Variants in SHISA5 observed in about 807,000 individuals in gnomAD.
The protein encoded by SHISA5 is protein shisa-5.
Under a neutral mutation model 27.5 loss-of-function variants are expected in SHISA5, and 21 were observed. The ratio of observed to expected loss-of-function variants is 0.76; its 90% CI spans 0.54 to 1.10. SHISA5 has a LOEUF of 1.10. Among genes scored for constraint, SHISA5 ranks in the 50% least tolerant of loss-of-function variants. The pLI is 0.00. For synonymous variants in SHISA5, 137 were observed against 142.2 expected (o/e 0.96, Z 0.26); for missense variants, 314 against 336.3 (o/e 0.93, Z 0.52).
intron 1 of SHISA5, chr3:48,502,352 C>T (rs530756811): frequency 5.7e-5 from 26 of 456,600 alleles, no homozygotes; most frequent in South Asian, 1.9e-4. Context: ...CTTAGCCCCG[C>T]GCTGGGCCTG....
intron 3 of SHISA5, chr3:48,472,897 A>G: frequency 9.2e-7 from 1 of 1,088,790 alleles, no homozygotes; most frequent in Non-Finnish European, 1.3e-6. Context: ...GGAGAAACGC[A>G]CACACATTCA....
chr3:48,478,230 G>A (rs11707229), intron 3 of SHISA5, among the ~76,000 whole-genome samples: 2,807 of 152,262 alleles, frequency 0.018, 49 homozygotes, highest in Middle Eastern at 0.12. Context: ...GCCCTGAGGT[G>A]TTGAGGAGGG....
chr3:48,471,167 A>G (rs1428975323), intron 3 of SHISA5, among the ~76,000 whole-genome samples: 2 of 151,990 alleles, frequency 1.3e-5, no homozygotes, highest in Admixed American at 1.3e-4. Flanking sequence ...AGCTGGAACC[A>G]CAGGCATGCA....
intron 2 of SHISA5, among the ~76,000 whole-genome samples, chr3:48,480,230 AAAC>A (rs545845487): frequency 4.6e-5 from 7 of 151,864 alleles, no homozygotes; most frequent in African/African-American, 9.7e-5. Flanking sequence ...AAAAGTACTA[AAAC>A]AACAACAACA....
chr3:48,493,909 A>C (rs1284463037), intron 2 of SHISA5, among the ~76,000 whole-genome samples: 2 of 147,864 alleles, frequency 1.4e-5, no homozygotes, highest in Non-Finnish European at 2.9e-5. Flanking sequence ...GTATATATTG[A>C]ATGGCTAAAT....
intron 2 of SHISA5, among the ~76,000 whole-genome samples, chr3:48,489,129 T>C (rs1384529383): frequency 6.6e-6 from 1 of 151,916 alleles, no homozygotes; most frequent in African/African-American, 2.4e-5. Flanking sequence ...GCGGCCCACA[T>C]TCAGGCCAGG....
intron 2 of SHISA5, among the ~76,000 whole-genome samples, chr3:48,487,833 T>C (rs967985215): frequency 2.0e-5 from 3 of 152,126 alleles, no homozygotes; most frequent in African/African-American, 7.2e-5. Context: ...GAGGCAGAGG[T>C]TGCAGTGAGC....
intron 2 of SHISA5, among the ~76,000 whole-genome samples, chr3:48,480,210 A>G (rs2040963715): frequency 6.6e-6 from 1 of 151,906 alleles, no homozygotes; most frequent in Non-Finnish European, 1.5e-5. Flanking sequence ...GCCTCCACAG[A>G]GTTTTTTTAA....
At position 48,503,610 on chromosome 3, in the gene SHISA5, G is replaced by A. The variant is rs1467120536; in HGVS notation, c.76+409C>T. The A allele has an allele frequency of 4.1e-6, 3 of 730,450 alleles. No individual in the cohort carries two copies. In the South Asian group the frequency reaches 1.2e-4, roughly 30 times the overall value. 45.2% of individuals were successfully genotyped at this position (730,450 alleles called of 1,614,324 possible). A position where few individuals can be genotyped will look rare whatever the true frequency, so the allele number is the denominator to read the frequency against. ...AGGAACACAAGGGCCAACGGAGGCA[G>A]CGGTGGGGGCTCCCAGACATTAAAC... On this transcript the variant is annotated intron_variant, in intron 1 of 5. Coordinates refer to ENST00000296444, the MANE Select transcript of SHISA5 (RefSeq NM_016479.6).
chr3:48,469,972 G>T lies in SHISA5; in HGVS notation c.315-129C>A. 8.0e-7 allele frequency: 1 copy of T among 1,255,410 alleles called. No homozygotes were observed. The allele number at this position is 1,255,410 out of a possible 1,614,324, so 77.8% of individuals were successfully genotyped here. ...ACAGTTATAGCTACTTCCTTGTCGG[G>T]TGGCCTGCACCTGTTTCAATCTGTT... On this transcript the variant is annotated intron_variant, in intron 3 of 5. Coordinates refer to ENST00000296444, the MANE Select transcript of SHISA5 (RefSeq NM_016479.6). The surrounding 1 kb of genome is among the most constrained non-coding windows in gnomAD (Gnocchi z 4.6).
At chr3:48,476,930 T>C in intron 3 of SHISA5, 1 of 369,290 alleles carries the variant, frequency 2.7e-6, no homozygotes, top group East Asian at 7.8e-5. Flanking sequence ...GCAGCTGGGC[T>C]AACAGAACAG....
Position 48,470,037 on chromosome 3 carries a change from CTG to C in SHISA5, c.315-196_315-195del. On this transcript the variant is annotated intron_variant, in intron 3 of 5. Transcript: ENST00000296444. The surrounding 1 kb of genome is among the most constrained non-coding windows in gnomAD (Gnocchi z 4.3). ...CTGGGGTATATGTGAGTCCCTGTAA[CTG>C]TCTCTCCCTGGGTCTCCCCCGCTTG... 2 of 678,290 alleles carry C rather than the reference CTG, an allele frequency of 2.9e-6. No individual in the cohort carries two copies. The highest frequency in any genetic ancestry group is 4.9e-6 in the Non-Finnish European group (2 of 407,500). The allele number at this position is 678,290 out of a possible 1,614,324, so 42.0% of individuals were successfully genotyped here. A position where few individuals can be genotyped will look rare whatever the true frequency, so the allele number is the denominator to read the frequency against.
At chr3:48,504,625 C>T (rs1212385102), upstream of SHISA5, 2 of 152,540 alleles carry the variant, frequency 1.3e-5, no homozygotes, top group African/African-American at 4.8e-5. The surrounding 1 kb of genome is among the most constrained non-coding windows in gnomAD (Gnocchi z 4.0). Flanking sequence ...GTGCCCAGCG[C>T]AGACCTTGGC....
At chr3:48,497,421 C>T (rs2041589546) in intron 2 of SHISA5, among the ~76,000 whole-genome samples, 1 of 150,992 alleles carries the variant, frequency 6.6e-6, no homozygotes, top group South Asian at 2.1e-4. Flanking sequence ...CACCACCATG[C>T]CCAGCTAATT....
At chr3:48,503,139 G>A in intron 1 of SHISA5, 2 of 1,289,816 alleles carry the variant, frequency 1.6e-6, no homozygotes, top group Non-Finnish European at 2.0e-6. Flanking sequence ...GGTGGCTCAG[G>A]TGAACCCATA....
Position 48,479,218 on chromosome 3 carries a change from C to T in SHISA5, c.273G>A (p.Ser91=), listed in dbSNP as rs369971951. The change falls in exon 3 of 6, where the codon TCG becomes TCA. Residue 91 remains serine (S), a synonymous_variant. Coordinates refer to ENST00000296444, the MANE Select transcript of SHISA5 (RefSeq NM_016479.6). The part of the protein sequence containing the change: ...ASVEPVEQLG[S]ALRFRPGYND... Reference sequence around the variant, plus strand: ...TGTAGCCAGGGCGAAACCTCAGCGCCGAGCCCAGCTGCTCCACCGGCTCTA... The same window carrying T: ...TGTAGCCAGGGCGAAACCTCAGCGCTGAGCCCAGCTGCTCCACCGGCTCTA... The T allele has an allele frequency of 4.6e-6, 7 of 1,512,764 alleles. No homozygotes were observed. Among genetic ancestry groups the T allele is most frequent in the Admixed American group, 3.9e-5 (2 of 51,798 alleles). 93.7% of individuals were successfully genotyped at this position (1,512,764 alleles called of 1,614,324 possible). A position where few individuals can be genotyped will look rare whatever the true frequency, so the allele number is the denominator to read the frequency against.
chr3:48,480,453 G>A (rs551674527), intron 2 of SHISA5, among the ~76,000 whole-genome samples: 16 of 152,226 alleles, frequency 1.1e-4, no homozygotes, highest in South Asian at 1.0e-3. Context: ...ATCAAAATTC[G>A]TGAAACACAG....
At chr3:48,476,134 AG>A (rs2040819292) in intron 3 of SHISA5, among the ~76,000 whole-genome samples, 1 of 152,118 alleles carries the variant, frequency 6.6e-6, no homozygotes, top group African/African-American at 2.4e-5. Context: ...CAAGGTCAGG[AG>A]CTCGAGACCA....
intron 2 of SHISA5, among the ~76,000 whole-genome samples, chr3:48,482,704 C>T (rs1357600341): frequency 6.6e-6 from 1 of 151,818 alleles, no homozygotes; most frequent in Non-Finnish European, 1.5e-5. Context: ...GGTGCAATCT[C>T]GGCTCACTGC....
Sources: allele counts gnomAD v4.1 joint callset (sites outside exome capture counted in the v4.1 genomes callset), GRCh38; gene constraint gnomAD v4.1.1; non-coding constraint Gnocchi (gnomAD v3.1); transcripts MANE v1.5; gene names NCBI Gene and HGNC (gene_info 2026-07-23, HGNC 2026-07-21).